The following COL5A2 variants were observed in gnomAD, a reference collection of about 807,000 sequenced individuals.
COL5A2 encodes the protein collagen alpha-2(V) chain.
COL5A2 carries 23 observed loss-of-function variants against 208.2 expected under a neutral mutation model. The ratio of observed to expected loss-of-function variants is 0.11; its 90% CI spans 0.08 to 0.16. The LOEUF (loss-of-function observed/expected upper bound fraction) is 0.16, where lower values mean the gene tolerates loss of function less well. Among genes scored for constraint, COL5A2 ranks in the 10% least tolerant of loss-of-function variants. The probability of loss-of-function intolerance (pLI) is 1.00; values close to 1 mark genes in which losing one functional copy is unlikely to be tolerated. For synonymous variants in COL5A2, 625 were observed against 628.5 expected (o/e 0.99, Z 0.08); for missense variants, 1,590 against 1,956.4 (o/e 0.81, Z 3.53).
chr2:189,261,101 T>C, the COL5A2 span, among the ~76,000 whole-genome samples: 1 of 152,100 alleles, frequency 6.6e-6, no homozygotes, highest in Non-Finnish European at 1.5e-5. Flanking sequence ...AACTTTTCCA[T>C]AAAAAATTAC....
the COL5A2 span, among the ~76,000 whole-genome samples, chr2:189,373,683 A>C: frequency 6.6e-6 from 1 of 152,248 alleles, no homozygotes; most frequent in African/African-American, 2.4e-5. Flanking sequence ...CTGGAAAAAA[A>C]TATGGCAAGG....
chr2:189,065,474 A>T (rs923879319), intron 23 of COL5A2, among the ~76,000 whole-genome samples: 4 of 152,146 alleles, frequency 2.6e-5, no homozygotes, highest in African/African-American at 9.7e-5. Flanking sequence ...GGTTGCAGTG[A>T]GCCAAGATGG....
chr2:189,119,313 T>C (rs1431785375), intron 1 of COL5A2, among the ~76,000 whole-genome samples: 1 of 152,010 alleles, frequency 6.6e-6, no homozygotes, highest in Non-Finnish European at 1.5e-5. Context: ...ATCATCTTCT[T>C]TCCATGTAAC....
chr2:189,044,888 C>G (rs1374785821), intron 47 of COL5A2, among the ~76,000 whole-genome samples: 1 of 151,994 alleles, frequency 6.6e-6, no homozygotes, highest in Non-Finnish European at 1.5e-5. Flanking sequence ...TAGAATAGCT[C>G]AGAGAGAAAT....
the COL5A2 span, among the ~76,000 whole-genome samples, chr2:189,414,076 G>T: frequency 2.6e-5 from 4 of 152,136 alleles, no homozygotes; most frequent in African/African-American, 9.7e-5. Flanking sequence ...ACGGGCGTGA[G>T]CCACTGTGCC....
the COL5A2 span, among the ~76,000 whole-genome samples, chr2:189,255,836 G>T: frequency 6.6e-5 from 10 of 152,204 alleles, no homozygotes; most frequent in African/African-American, 2.4e-4. Context: ...TTGATGAAGG[G>T]ATTAAGATAA....
the COL5A2 span, among the ~76,000 whole-genome samples, chr2:189,369,843 G>C: frequency 6.6e-6 from 1 of 152,104 alleles, no homozygotes; most frequent in Non-Finnish European, 1.5e-5. Flanking sequence ...TGCATGATGA[G>C]GTCTAGCAGG....
chr2:189,260,201 C>T, the COL5A2 span, among the ~76,000 whole-genome samples: 1 of 152,134 alleles, frequency 6.6e-6, no homozygotes, highest in African/African-American at 2.4e-5. Flanking sequence ...AATGCAAACA[C>T]ACAATATTGT....
chr2:189,335,005 G>T, the COL5A2 span, among the ~76,000 whole-genome samples: 5 of 151,766 alleles, frequency 3.3e-5, no homozygotes, highest in Admixed American at 6.6e-5. Flanking sequence ...AATCATATTA[G>T]TACTCTCTAT....
the COL5A2 span, among the ~76,000 whole-genome samples, chr2:189,399,250 C>T: frequency 0.023 from 3,159 of 139,898 alleles, 99 homozygotes; most frequent in African/African-American, 0.078. Flanking sequence ...ATTTATTTTA[C>T]GATTTTTTTT....
chr2:189,374,244 GAATT>G, the COL5A2 span, among the ~76,000 whole-genome samples: 2 of 151,792 alleles, frequency 1.3e-5, no homozygotes, highest in African/African-American at 2.4e-5. Flanking sequence ...TCTAAATACT[GAATT>G]AATTATTGTT....
chr2:189,341,140 A>G, the COL5A2 span, among the ~76,000 whole-genome samples: 2 of 152,222 alleles, frequency 1.3e-5, no homozygotes, highest in Non-Finnish European at 2.9e-5. Flanking sequence ...ACAGACATAT[A>G]TAAGAACATC....
At chr2:189,358,794 C>T in the COL5A2 span, among the ~76,000 whole-genome samples, 1 of 151,794 alleles carries the variant, frequency 6.6e-6, no homozygotes, top group Non-Finnish European at 1.5e-5. Context: ...TCTTTCACTT[C>T]TTTGATTAAA....
chr2:189,277,763 G>C, the COL5A2 span, among the ~76,000 whole-genome samples: 1 of 152,002 alleles, frequency 6.6e-6, no homozygotes, highest in Admixed American at 6.6e-5. Context: ...TATTCTAAAA[G>C]AATAGCCAAT....
chr2:189,141,896 TA>T (rs1687941472), intron 1 of COL5A2, among the ~76,000 whole-genome samples: 1 of 152,184 alleles, frequency 6.6e-6, no homozygotes, highest in Non-Finnish European at 1.5e-5. Flanking sequence ...GATGAAAGAC[TA>T]AAGGTTGAGC....
In COL5A2 at chr2:189,033,630, T is replaced by G. The variant is rs1685381444; in HGVS notation, c.*440A>C. 5.3e-6 allele frequency: 1 copy of G among 189,442 alleles called. No homozygotes were observed. Among genetic ancestry groups the G allele is most frequent in the Non-Finnish European group, 1.1e-5 (1 of 88,904 alleles). 11.7% of individuals were successfully genotyped at this position (189,442 alleles called of 1,614,324 possible). ...GAGAGGTCACAAAAGGGCACTAATT[T>G]CTATTTTTCAACTGCAGCCAAGCAA... On this transcript the variant is annotated 3_prime_UTR_variant, in exon 54 of 54. Transcript: ENST00000374866.
chr2:189,246,639 A>G, the COL5A2 span, among the ~76,000 whole-genome samples: 2 of 152,228 alleles, frequency 1.3e-5, no homozygotes. Context: ...CTCTGTTCAT[A>G]TTTGGGTTTT....
At chr2:189,328,424 G>A in the COL5A2 span, among the ~76,000 whole-genome samples, 1 of 152,270 alleles carries the variant, frequency 6.6e-6, no homozygotes, top group Middle Eastern at 3.4e-3. Context: ...GTCCCAGCAG[G>A]CAGCACCTTC....
chr2:189,337,820 C>A, the COL5A2 span, among the ~76,000 whole-genome samples: 3 of 143,698 alleles, frequency 2.1e-5, no homozygotes, highest in African/African-American at 5.2e-5. Context: ...TCCATCCTAG[C>A]AAAAAAAAAA....
Sources: allele counts gnomAD v4.1 joint callset (sites outside exome capture counted in the v4.1 genomes callset), GRCh38; gene constraint gnomAD v4.1.1; transcripts MANE v1.5; gene names NCBI Gene and HGNC (gene_info 2026-07-23, HGNC 2026-07-21).